The following FAM169A variants were observed in gnomAD, a reference collection of about 807,000 sequenced individuals.
FAM169A encodes family with sequence similarity 169 member A.
A neutral mutation model predicts 75.7 loss-of-function variants in FAM169A; 24 were observed. The observed-to-expected ratio is 0.32, with a 90% confidence interval of 0.23 to 0.45. The LOEUF (loss-of-function observed/expected upper bound fraction) is 0.45. FAM169A is among the 20% of genes least tolerant of loss of function. The pLI is 1.00. For synonymous variants in FAM169A, 271 were observed against 271.0 expected (o/e 1.00, Z 0.00); for missense variants, 673 against 784.0 (o/e 0.86, Z 1.69).
At chr5:74,788,439 C>T (rs948560562) in intron 11 of FAM169A, among the ~76,000 whole-genome samples, 4 of 152,164 alleles carry the variant, frequency 2.6e-5, no homozygotes, top group African/African-American at 4.8e-5. Context: ...GGGGCGGTGG[C>T]TCATGCCTGT....
Position 74,799,975 on chromosome 5 carries a change from C to G in FAM169A, c.1103+905G>C, listed in dbSNP as rs976857255. 3.7e-6 allele frequency: 3 copies of G among 805,460 alleles called. No individual in the cohort carries two copies. The African/African-American group carries it at 5.0e-5, about 13-fold the overall frequency. 49.9% of individuals were successfully genotyped at this position (805,460 alleles called of 1,614,324 possible). A position where few individuals can be genotyped will look rare whatever the true frequency, so the allele number is the denominator to read the frequency against. ...AAGATGCTGCGCCAGAATAGCATCA[C>G]TCAAGTCTCTATTTATGAGGTGGAT... On this transcript the variant is annotated intron_variant, in intron 10 of 12. Coordinates refer to ENST00000687041, the MANE Select transcript of FAM169A (RefSeq NM_001376049.1).
chr5:74,781,592 T>C lies in FAM169A; in HGVS notation c.1881A>G (p.Gln627=), dbSNP rs1745411494. The change falls in exon 13 of 13, where the codon CAA becomes CAG. Residue 627 remains glutamine (Q), a synonymous_variant. Transcript: ENST00000687041. ...TGCTATCCACAGCTTTTTCTGCCGA[T>C]TGTGTAAACTGATCCAGTTGCTCGG... ...ASSEQLDQFT[Q]SAEKAVDSSS... is the part of the protein sequence containing the mutation. 6.2e-7 allele frequency: 1 copy of C among 1,614,202 alleles called. No individual in the cohort carries two copies. The highest frequency in any genetic ancestry group is 2.2e-5 in the East Asian group (1 of 44,880).
chr5:74,857,986 T>C (rs1749812976), intron 1 of FAM169A, among the ~76,000 whole-genome samples: 1 of 152,170 alleles, frequency 6.6e-6, no homozygotes, highest in Non-Finnish European at 1.5e-5. Context: ...ATTTCCTCTT[T>C]CATGGTTTGA....
At chr5:74,795,214 C>A (rs969999835) in intron 11 of FAM169A, among the ~76,000 whole-genome samples, 1 of 152,096 alleles carries the variant, frequency 6.6e-6, no homozygotes, top group Non-Finnish European at 1.5e-5. Flanking sequence ...GCCAAGATCA[C>A]GCCACTGCAC....
chr5:74,790,874 TGGA>T (rs1234981108), intron 11 of FAM169A, among the ~76,000 whole-genome samples: 3 of 152,214 alleles, frequency 2.0e-5, no homozygotes, highest in African/African-American at 7.2e-5. Context: ...TTGATTACAC[TGGA>T]CCTCTTCTAT....
intron 1 of FAM169A, among the ~76,000 whole-genome samples, chr5:74,861,100 C>G (rs971125738): frequency 6.6e-6 from 1 of 152,202 alleles, no homozygotes; most frequent in Non-Finnish European, 1.5e-5. Flanking sequence ...TTGCACCACT[C>G]ACTCCATCCT....
At chr5:74,827,714 G>T (rs1748109208) in intron 5 of FAM169A, among the ~76,000 whole-genome samples, 2 of 150,314 alleles carry the variant, frequency 1.3e-5, no homozygotes, top group South Asian at 4.2e-4. Flanking sequence ...CCAGGCTGGA[G>T]TGCAATGGTG....
rs1361256553 is a variant in FAM169A at position 74,781,579 on chromosome 5, C to T, written c.1894G>A (p.Ala632Thr). ...LDQFTQSAEKAVDSSSEEIEV... is the reference protein window; with the variant it reads ...LDQFTQSAEKTVDSSSEEIEV... Reference sequence around the variant, plus strand: ...ATTTCCTCTGAGCTGCTATCCACAGCTTTTTCTGCCGATTGTGTAAACTGA... The same window carrying T: ...ATTTCCTCTGAGCTGCTATCCACAGTTTTTTCTGCCGATTGTGTAAACTGA... The change falls in exon 13 of 13, where the codon GCT becomes ACT. Residue 632 changes from alanine to threonine, a missense_variant. Coordinates refer to ENST00000687041, the MANE Select transcript of FAM169A (RefSeq NM_001376049.1). The T allele has an allele frequency of 6.2e-7, 1 of 1,614,076 alleles. No homozygotes were observed. The highest frequency in any genetic ancestry group is 1.3e-5 in the African/African-American group (1 of 74,928).
chr5:74,804,448 C>G, intron 8 of FAM169A, 45 bp downstream of exon 8: 1 of 1,040,668 alleles, frequency 9.6e-7, no homozygotes. Context: ...TTTAAAAACA[C>G]AAAAATTTTA....
upstream of FAM169A, chr5:74,866,404 C>G (rs554038925): frequency 1.0e-6 from 1 of 981,870 alleles, no homozygotes; most frequent in African/African-American, 1.7e-5. Context: ...GCAGCGCCTC[C>G]AGCCTTCGCT....
intron 5 of FAM169A, among the ~76,000 whole-genome samples, chr5:74,830,680 A>AT (rs928206936): frequency 8.6e-5 from 13 of 151,646 alleles, no homozygotes; most frequent in African/African-American, 2.7e-4. Context: ...TCACATATCT[A>AT]TTTTTTTTTA....
At chr5:74,787,797 T>C (rs538810952) in intron 11 of FAM169A, among the ~76,000 whole-genome samples, 8 of 152,228 alleles carry the variant, frequency 5.3e-5, no homozygotes, top group East Asian at 3.9e-4. Context: ...AGAAGTGGAA[T>C]TGATAGGAAG....
At chr5:74,842,678 C>T (rs904830960) in intron 1 of FAM169A, among the ~76,000 whole-genome samples, 3 of 151,694 alleles carry the variant, frequency 2.0e-5, no homozygotes, top group African/African-American at 7.3e-5. Context: ...ATTACAGACA[C>T]TAAGCCACTG....
At chr5:74,815,632 C>T (rs187159644) in intron 5 of FAM169A, among the ~76,000 whole-genome samples, 1 of 152,264 alleles carries the variant, frequency 6.6e-6, no homozygotes, top group East Asian at 1.9e-4. Context: ...GAGGCTGAGA[C>T]CTACTGGGTT....
chr5:74,782,302 A>C (rs374394459), intron 12 of FAM169A, among the ~76,000 whole-genome samples: 6 of 152,286 alleles, frequency 3.9e-5, no homozygotes, highest in African/African-American at 1.4e-4. Flanking sequence ...AGATTCTTTA[A>C]AACCATGAAT....
chr5:74,857,571 GGAAAA>G (rs1371598902), intron 1 of FAM169A, among the ~76,000 whole-genome samples: 10 of 65,720 alleles, frequency 1.5e-4, no homozygotes, highest in African/African-American at 5.0e-4. Context: ...CCTTGCCGCG[GGAAAA>G]AAAAAAAAAA....
chr5:74,794,612 AC>A (rs1746166556), intron 11 of FAM169A, among the ~76,000 whole-genome samples: 1 of 151,284 alleles, frequency 6.6e-6, no homozygotes, highest in Admixed American at 6.6e-5. Flanking sequence ...CCCCGTCTCT[AC>A]AAAAAATACA....
At chr5:74,833,048 T>C (rs1465510386) in intron 5 of FAM169A, among the ~76,000 whole-genome samples, 1 of 152,036 alleles carries the variant, frequency 6.6e-6, no homozygotes, top group Non-Finnish European at 1.5e-5. Flanking sequence ...CTCCTGCAGT[T>C]AAATACTGAT....
chr5:74,787,286 A>G (rs9686657), intron 11 of FAM169A, among the ~76,000 whole-genome samples: 35,310 of 152,056 alleles, frequency 0.23, 4,323 homozygotes, highest in Middle Eastern at 0.31. Context: ...TGCTCAGGGA[A>G]TTTAAAAAGG....
Sources: allele counts gnomAD v4.1 joint callset (sites outside exome capture counted in the v4.1 genomes callset), GRCh38; gene constraint gnomAD v4.1.1; transcripts MANE v1.5; gene names NCBI Gene and HGNC (gene_info 2026-07-23, HGNC 2026-07-21).